The following ANKRD44 variants were observed in gnomAD, a reference collection of about 807,000 sequenced individuals.
The protein encoded by ANKRD44 is serine/threonine-protein phosphatase 6 regulatory ankyrin repeat subunit B.
In ANKRD44, 35 loss-of-function variants were observed where a neutral mutation model predicts 116.0. The ratio of observed to expected loss-of-function variants is 0.30; its 90% CI spans 0.23 to 0.40. The LOEUF (loss-of-function observed/expected upper bound fraction) is 0.40. Among genes scored for constraint, ANKRD44 ranks in the 10% least tolerant of loss-of-function variants. The pLI, the probability that ANKRD44 is intolerant of heterozygous loss-of-function variation, is 1.00. For missense variants in ANKRD44, 1,014 were observed against 1,242.6 expected (o/e 0.82, Z 2.77); for synonymous variants, 435 against 461.8 (o/e 0.94, Z 0.74).
chr2:197,065,613 G>A (rs986341988), intron 16 of ANKRD44, among the ~76,000 whole-genome samples: 12 of 152,034 alleles, frequency 7.9e-5, no homozygotes, highest in Non-Finnish European at 1.5e-4. Context: ...AATGATAAAG[G>A]GGATATCACC....
Position 197,110,798 on chromosome 2 carries a change from CTTCCA to C in ANKRD44, c.948_952del (p.His316GlnfsTer14). On this transcript the variant is annotated frameshift_variant, in exon 9 of 28. Coordinates refer to ENST00000282272, the MANE Select transcript of ANKRD44 (RefSeq NM_001195144.2). LOFTEE classifies it high-confidence loss of function. ...AATGAGGGTCTGTGACCGTGTGAACCTTCCATGGACAGCTGTCATGTGCAGTGGAC... is the reference window on the plus strand; with the variant it reads ...AATGAGGGTCTGTGACCGTGTGAACCTGGACAGCTGTCATGTGCAGTGGAC... 6.2e-7 allele frequency: 1 copy of C among 1,614,026 alleles called. No individual in the cohort carries two copies. Among genetic ancestry groups the C allele is most frequent in the Non-Finnish European group, 8.5e-7 (1 of 1,179,970 alleles).
At chr2:197,089,557 C>T (rs1177414746) in intron 11 of ANKRD44, among the ~76,000 whole-genome samples, 1 of 152,208 alleles carries the variant, frequency 6.6e-6, no homozygotes, top group African/African-American at 2.4e-5. Flanking sequence ...TTCTCTACCA[C>T]CAGATGTAGG....
chr2:197,153,225 C>CAAAAAAAAAAAAAAAAAAA (rs75600123), intron 2 of ANKRD44, among the ~76,000 whole-genome samples: 3 of 69,352 alleles, frequency 4.3e-5, no homozygotes, highest in African/African-American at 1.2e-4. Context: ...AAGACCCTGC[C>CAAAAAAAAAAAAAAAAAAA]AAAAAAAAAA....
rs2081128809 is a variant in ANKRD44 at position 197,203,028 on chromosome 2, A to G, written c.28-15922T>C. On this transcript the variant is annotated intron_variant, in intron 1 of 27. Coordinates refer to ENST00000282272, the MANE Select transcript of ANKRD44 (RefSeq NM_001195144.2). The surrounding 1 kb of genome is among the most constrained non-coding windows in gnomAD (Gnocchi z 4.1). ...TGCAAATCCTAGCACAAGCGCTTGC[A>G]AAGGCTCTCCAGGTGACTCATACAG... 6.6e-6 allele frequency among the ~76,000 whole-genome samples: 1 copy of G among 152,148 alleles called. No individual in the cohort carries two copies. The highest frequency in any genetic ancestry group is 1.5e-5 in the Non-Finnish European group (1 of 68,022).
At chr2:196,995,227 T>C (rs1377849720) in intron 26 of ANKRD44, 152 bp downstream of exon 26, 5 of 440,876 alleles carry the variant, frequency 1.1e-5, no homozygotes, top group Non-Finnish European at 2.0e-5. Context: ...CTTGTAGGTA[T>C]GTGACTGTCA....
intron 2 of ANKRD44, among the ~76,000 whole-genome samples, chr2:197,150,603 TA>T (rs1355878917): frequency 2.6e-5 from 4 of 151,438 alleles, no homozygotes; most frequent in African/African-American, 7.4e-5. Flanking sequence ...TGTGATAGTC[TA>T]AAAACCCTTC....
intron 9 of ANKRD44, among the ~76,000 whole-genome samples, chr2:197,109,120 G>A (rs533929503): frequency 3.3e-4 from 51 of 152,312 alleles, no homozygotes; most frequent in Non-Finnish European, 4.3e-4. Context: ...CCTTGTCTCT[G>A]GAGCTTGAAG....
At chr2:197,261,886 T>C (rs1039456908) in intron 1 of ANKRD44, among the ~76,000 whole-genome samples, 1 of 152,216 alleles carries the variant, frequency 6.6e-6, no homozygotes, top group Non-Finnish European at 1.5e-5. Context: ...TAGTTCATCC[T>C]TATGAAGAAA....
intron 20 of ANKRD44, among the ~76,000 whole-genome samples, chr2:197,007,180 C>A (rs1050199770): frequency 6.6e-6 from 1 of 151,196 alleles, no homozygotes; most frequent in East Asian, 1.9e-4. Context: ...TTTGTAAGGA[C>A]AAACAATTAG....
At chr2:197,157,175 T>TAA (rs34597748) in intron 2 of ANKRD44, among the ~76,000 whole-genome samples, 6 of 151,952 alleles carry the variant, frequency 3.9e-5, no homozygotes, top group South Asian at 4.2e-4. Flanking sequence ...TTACGTAAAG[T>TAA]AAAAAAAGGC....
intron 14 of ANKRD44, 50 bp downstream of exon 14, chr2:197,083,319 C>G (rs1559048316): frequency 1.9e-6 from 3 of 1,549,858 alleles, no homozygotes; most frequent in Non-Finnish European, 2.6e-6. Context: ...TCCTTCCCCA[C>G]CACTCCCCAA....
intron 9 of ANKRD44, among the ~76,000 whole-genome samples, chr2:197,109,804 A>G (rs1281281746): frequency 6.6e-6 from 1 of 152,170 alleles, no homozygotes; most frequent in Non-Finnish European, 1.5e-5. Context: ...ATTTACTAAT[A>G]GAAGTGATGC....
chr2:197,009,788 C>T lies in ANKRD44; in HGVS notation c.1925-757G>A, dbSNP rs76319207. Among the ~76,000 whole-genome samples the T allele has an allele frequency of 3.7e-3, 556 of 152,274 alleles. 3 individuals are homozygous for T. The highest frequency in any genetic ancestry group is 0.013 in the African/African-American group (534 of 41,550). The stretch of plus-strand genomic sequence containing the variant: ...GTGCCTCTGTGTTAATCTGTCTTCC[C>T]CCTTCTTCCTAGCAGGGTGCATTGA... On this transcript the variant is annotated intron_variant, in intron 18 of 27. Coordinates refer to ENST00000282272, the MANE Select transcript of ANKRD44 (RefSeq NM_001195144.2).
intron 1 of ANKRD44, among the ~76,000 whole-genome samples, chr2:197,285,243 C>G (rs1057005946): frequency 2.0e-5 from 3 of 152,094 alleles, no homozygotes; most frequent in Non-Finnish European, 4.4e-5. Context: ...ACAACCTCCC[C>G]AGCCCCAACC....
At chr2:197,076,605 T>C (rs1476972152) in intron 16 of ANKRD44, among the ~76,000 whole-genome samples, 1 of 152,140 alleles carries the variant, frequency 6.6e-6, no homozygotes. Flanking sequence ...GCCACCCAGG[T>C]ACTAAGCCTT....
intron 2 of ANKRD44, among the ~76,000 whole-genome samples, chr2:197,172,513 A>G (rs1026750544): frequency 6.6e-6 from 1 of 152,142 alleles, no homozygotes; most frequent in African/African-American, 2.4e-5. Context: ...TTCCTCTGTG[A>G]TCTTGGCTTA....
intron 1 of ANKRD44, among the ~76,000 whole-genome samples, chr2:197,293,342 T>C (rs1175141339): frequency 2.0e-5 from 3 of 152,084 alleles, no homozygotes; most frequent in Non-Finnish European, 4.4e-5. Context: ...CCCCCAGAAG[T>C]GAAGAGAAAT....
At chr2:197,013,106 G>A (rs374994831) in intron 18 of ANKRD44, among the ~76,000 whole-genome samples, 9 of 152,282 alleles carry the variant, frequency 5.9e-5, no homozygotes, top group Admixed American at 1.3e-4. Flanking sequence ...TTCCTTATGC[G>A]AAATAGCCCT....
chr2:196,972,703 G>A (rs1005080406), intron 21 of ANKRD44, among the ~76,000 whole-genome samples: 7 of 152,114 alleles, frequency 4.6e-5, no homozygotes, highest in African/African-American at 7.2e-5. Flanking sequence ...CCTACTAGTC[G>A]GTGTCTCTTT....
Sources: gnomAD v4.1 joint callset for allele counts (sites outside exome capture counted in the v4.1 genomes callset) on GRCh38, gnomAD v4.1.1 for gene constraint, Gnocchi (gnomAD v3.1) non-coding constraint, MANE v1.5 for transcripts, NCBI Gene and HGNC (gene_info 2026-07-23, HGNC 2026-07-21) for gene names.